Variants in AKNA observed in about 807,000 individuals in gnomAD.
AKNA encodes AT-hook transcription factor.
Under a neutral mutation model 138.8 loss-of-function variants are expected in AKNA, and 67 were observed. That is an observed-to-expected ratio of 0.48 (90% confidence interval 0.40 to 0.59). AKNA has a LOEUF of 0.59. Ranked by LOEUF, AKNA falls within the 20% of genes least tolerant of loss-of-function variation. AKNA has a pLI of 0.00. For missense variants in AKNA, 1,813 were observed against 1,880.4 expected (o/e 0.96, Z 0.66); for synonymous variants, 737 against 754.4 (o/e 0.98, Z 0.38).
At position 114,334,510 on chromosome 9, in the gene AKNA, C is replaced by A. The variant is rs117271632; in HGVS notation, c.*2544G>T. 0.013 allele frequency: 1,835 copies of A among 146,504 alleles called. 85 individuals carry two copies. Among genetic ancestry groups the A allele is most frequent in the Middle Eastern group, 0.02 (6 of 300 alleles). 9.1% of individuals were successfully genotyped at this position (146,504 alleles called of 1,614,324 possible). A position where few individuals can be genotyped will look rare whatever the true frequency, so the allele number is the denominator to read the frequency against. ...GGAGACCCAGAAGAAGGAGATAACA[C>A]GTAAGGGTGAGGCTGGTCCCTGGAA... On this transcript the variant is annotated 3_prime_UTR_variant, in exon 22 of 22. Transcript: ENST00000374088.
downstream of AKNA, chr9:114,331,521 T>C (rs781235773): frequency 3.0e-5 from 45 of 1,495,110 alleles, no homozygotes; most frequent in Non-Finnish European, 3.8e-5. Context: ...ACAGGCACCA[T>C]TGTGCCATCC....
chr9:114,356,226 A>G, intron 13 of AKNA, 90 bp from the exon 14 acceptor site: 1 of 1,223,720 alleles, frequency 8.2e-7, no homozygotes, highest in South Asian at 1.5e-5. Flanking sequence ...ATGCTAACCC[A>G]ATAAGCTCCC....
intron 7 of AKNA, 137 bp downstream of exon 7, chr9:114,364,423 G>C: frequency 1.2e-6 from 1 of 831,378 alleles, no homozygotes; most frequent in South Asian, 1.4e-5. Context: ...AGCTACTCAG[G>C]AACTGTTTGC....
chr9:114,393,129 G>A (rs569635195), intron 1 of AKNA, among the ~76,000 whole-genome samples: 21 of 152,052 alleles, frequency 1.4e-4, no homozygotes, highest in Non-Finnish European at 2.8e-4. Context: ...ACTAATCCAA[G>A]GAGGGAAAAA....
At position 114,337,012 on chromosome 9, in the gene AKNA, T is replaced by TGA; in HGVS notation, c.*41_*42insTC. On this transcript the variant is annotated 3_prime_UTR_variant, in exon 22 of 22. Coordinates refer to ENST00000374088, the MANE Select transcript of AKNA (RefSeq NM_001317950.2). ...CCCACTCCTGGCCTGGCAGGCCACC[T>TGA]GCCCACCCACCCACCCATCTGCCTC... The TGA allele has an allele frequency of 2.5e-6, 3 of 1,208,224 alleles. No individual in the cohort carries two copies. The highest frequency in any genetic ancestry group is 2.1e-5 in the South Asian group (1 of 47,706). The allele number at this position is 1,208,224 out of a possible 1,614,324, so 74.8% of individuals were successfully genotyped here.
intron 15 of AKNA, among the ~76,000 whole-genome samples, chr9:114,350,136 C>T (rs1057113110): frequency 6.6e-6 from 1 of 152,188 alleles, no homozygotes; most frequent in Non-Finnish European, 1.5e-5. Flanking sequence ...ATACCCTAGA[C>T]AAACAAGCCT....
At chr9:114,369,575 C>A (rs1036280698) in intron 4 of AKNA, among the ~76,000 whole-genome samples, 1 of 152,116 alleles carries the variant, frequency 6.6e-6, no homozygotes, top group African/African-American at 2.4e-5. Context: ...AACCTCTCTG[C>A]GCACAAAATA....
chr9:114,341,523 A>G lies in AKNA; in HGVS notation c.4067+10T>C. On this transcript the variant is annotated intron_variant, in intron 21 of 21. Transcript: ENST00000374088. ...AAAGAGGCTGGGAAGGTCAGAATGA[A>G]GGCTCTTACACAGCGGCAGGTGGAT... The G allele has an allele frequency of 6.2e-7, 1 of 1,613,954 alleles. No homozygotes were observed. The highest frequency in any genetic ancestry group is 2.2e-5 in the East Asian group (1 of 44,854).
chr9:114,374,147 G>A lies in AKNA; in HGVS notation c.1362C>T (p.Leu454=). Residue 454 remains leucine, a synonymous_variant, in exon 4 of 22, where the codon CTC becomes CTT. Coordinates refer to ENST00000374088, the MANE Select transcript of AKNA (RefSeq NM_001317950.2). ...TGTTCTCGGCCTCAGCGTACTTGGTGAGGAGCCTGTGGTAGTCTTCCTGCA... is the reference window on the plus strand; with the variant it reads ...TGTTCTCGGCCTCAGCGTACTTGGTAAGGAGCCTGTGGTAGTCTTCCTGCA... ...HQLQEDYHRL[L]TKYAEAENTI... 4 of 1,558,626 alleles carry A rather than the reference G, an allele frequency of 2.6e-6. No individual in the cohort carries two copies. Among genetic ancestry groups the A allele is most frequent in the Non-Finnish European group, 3.5e-6 (4 of 1,150,666 alleles).
upstream of AKNA, among the ~76,000 whole-genome samples, chr9:114,391,495 CAGAGA>C (rs962327840): frequency 2.0e-5 from 3 of 152,018 alleles, no homozygotes; most frequent in Admixed American, 1.3e-4. Flanking sequence ...CACTGAGGCC[CAGAGA>C]AGAGAAGAGA....
chr9:114,330,913 C>T, downstream of AKNA: 1 of 1,505,362 alleles, frequency 6.6e-7, no homozygotes, highest in South Asian at 1.1e-5. Context: ...CAGGGCAGGC[C>T]AGCATAAGGT....
At chr9:114,331,340 G>A (rs1419672662), downstream of AKNA, among the ~76,000 whole-genome samples, 1 of 152,050 alleles carries the variant, frequency 6.6e-6, no homozygotes, top group African/African-American at 2.4e-5. Context: ...GGGGAGAAAG[G>A]CCCTGACAGC....
intron 18 of AKNA, chr9:114,344,590 G>T (rs773929152): frequency 3.9e-5 from 6 of 152,132 alleles, no homozygotes; most frequent in African/African-American, 1.4e-4. Flanking sequence ...TTTTCCCGAC[G>T]CGACAGATGA....
At chr9:114,379,529 C>G (rs1371801885) in intron 2 of AKNA, among the ~76,000 whole-genome samples, 1 of 152,206 alleles carries the variant, frequency 6.6e-6, no homozygotes, top group Non-Finnish European at 1.5e-5. Context: ...TTGAGCAGAT[C>G]AGGTGTGTGA....
rs1001998007 is a variant in AKNA, at chr9:114,367,838, G to A, written c.1574-141C>T. 3.0e-5 allele frequency: 28 copies of A among 943,740 alleles called. No individual in the cohort carries two copies. In the African/African-American group the frequency reaches 4.2e-4, roughly 14 times the overall value. The allele number at this position is 943,740 out of a possible 1,614,324, so 58.5% of individuals were successfully genotyped here. On this transcript the variant is annotated intron_variant, in intron 5 of 21. Transcript: ENST00000374088. The stretch of plus-strand genomic sequence containing the variant: ...TGTGCGATCTTCACATCAGCCCCAG[G>A]AAGTGGGCTGGGTAGAACATTGTCC...
intron 11 of AKNA, among the ~76,000 whole-genome samples, chr9:114,358,654 GTCTC>G (rs112040350): frequency 0.012 from 1,864 of 151,552 alleles, 27 homozygotes; most frequent in African/African-American, 0.043. Context: ...CTCTCATACT[GTCTC>G]TCTCTCTCTT....
At chr9:114,351,980 G>A (rs142564175) in intron 14 of AKNA, among the ~76,000 whole-genome samples, 2 of 152,254 alleles carry the variant, frequency 1.3e-5, no homozygotes, top group Non-Finnish European at 2.9e-5. Flanking sequence ...ATCCCAAAAG[G>A]TTACATAGTA....
intron 1 of AKNA, among the ~76,000 whole-genome samples, chr9:114,385,932 G>A (rs1040944945): frequency 1.3e-5 from 2 of 152,190 alleles, no homozygotes; most frequent in Non-Finnish European, 2.9e-5. Flanking sequence ...GTGTATAGCT[G>A]GGCTTGCATT....
chr9:114,342,789 C>A (rs1324668243), intron 19 of AKNA, among the ~76,000 whole-genome samples: 2 of 151,846 alleles, frequency 1.3e-5, no homozygotes, highest in Non-Finnish European at 2.9e-5. Context: ...GCTCCCCTAC[C>A]CCAGCTTTGG....
Sources: gnomAD v4.1 joint callset for allele counts (sites outside exome capture counted in the v4.1 genomes callset) on GRCh38, gnomAD v4.1.1 for gene constraint, MANE v1.5 for transcripts, NCBI Gene and HGNC (gene_info 2026-07-23, HGNC 2026-07-21) for gene names.